The following ARHGAP22 variants were observed in gnomAD, a reference collection of about 807,000 sequenced individuals.
The protein encoded by ARHGAP22 is Rho GTPase activating protein 22.
Under a neutral mutation model 59.1 loss-of-function variants are expected in ARHGAP22, and 48 were observed. That is an observed-to-expected ratio of 0.81 (90% CI 0.64 to 1.03). The LOEUF (loss-of-function observed/expected upper bound fraction) is 1.03. Among genes scored for constraint, ARHGAP22 ranks in the 50% least tolerant of loss-of-function variants. The pLI, the probability that ARHGAP22 is intolerant of heterozygous loss-of-function variation, is 0.00. For missense variants in ARHGAP22, 1,015 were observed against 958.7 expected, an observed-to-expected ratio of 1.06 and a Z score of -0.78; for synonymous variants, 445 against 416.4, an observed-to-expected ratio of 1.07 and a Z score of -0.84.
At chr10:48,458,880 C>A (rs2046844420) in intron 5 of ARHGAP22, among the ~76,000 whole-genome samples, 1 of 152,152 alleles carries the variant, frequency 6.6e-6, no homozygotes, top group Non-Finnish European at 1.5e-5. Context: ...TGACACCCTC[C>A]CCTGGCTGCA....
At chr10:48,651,723 C>T (rs536694442) in intron 1 of ARHGAP22, among the ~76,000 whole-genome samples, 7 of 152,284 alleles carry the variant, frequency 4.6e-5, no homozygotes, top group African/African-American at 1.7e-4. Context: ...ACAATTATCT[C>T]CCAGGCACTT....
intron 3 of ARHGAP22, among the ~76,000 whole-genome samples, chr10:48,495,897 A>C (rs1202685079): frequency 6.6e-6 from 1 of 152,168 alleles, no homozygotes; most frequent in Non-Finnish European, 1.5e-5. Context: ...AAGCCTCCAG[A>C]AACAGCCAGC....
intron 3 of ARHGAP22, among the ~76,000 whole-genome samples, chr10:48,533,543 G>A (rs2055064686): frequency 6.6e-6 from 1 of 152,126 alleles, no homozygotes; most frequent in South Asian, 2.1e-4. Flanking sequence ...CTCAATAGAG[G>A]CCATTTCAAA....
At chr10:48,580,965 A>G (rs1289834100) in intron 2 of ARHGAP22, among the ~76,000 whole-genome samples, 1 of 151,554 alleles carries the variant, frequency 6.6e-6, no homozygotes, top group Non-Finnish European at 1.5e-5. Flanking sequence ...TCCCCATTGT[A>G]AACAAATGTG....
intron 5 of ARHGAP22, among the ~76,000 whole-genome samples, chr10:48,458,736 G>A (rs1265306018): frequency 1.3e-5 from 2 of 152,170 alleles, no homozygotes; most frequent in South Asian, 2.1e-4. Flanking sequence ...CAGAATGGAC[G>A]ACAAGCTCAC....
At chr10:48,496,474 G>A (rs1163353288) in intron 3 of ARHGAP22, among the ~76,000 whole-genome samples, 1 of 152,152 alleles carries the variant, frequency 6.6e-6, no homozygotes, top group African/African-American at 2.4e-5. Flanking sequence ...AGAAACTGAG[G>A]CTCAGAGAGA....
chr10:48,443,251 C>T (rs747326109), downstream of ARHGAP22, among the ~76,000 whole-genome samples: 7 of 152,098 alleles, frequency 4.6e-5, no homozygotes, highest in Non-Finnish European at 8.8e-5. Flanking sequence ...TTCTCTTTCC[C>T]CTTCCATTAT....
At chr10:48,597,825 A>C (rs1340415442) in intron 1 of ARHGAP22, among the ~76,000 whole-genome samples, 1 of 152,206 alleles carries the variant, frequency 6.6e-6, no homozygotes, top group Non-Finnish European at 1.5e-5. Flanking sequence ...CCTGCCTATG[A>C]GCCATTAGCT....
intron 1 of ARHGAP22, among the ~76,000 whole-genome samples, chr10:48,616,196 G>T (rs933861911): frequency 2.0e-5 from 3 of 152,050 alleles, no homozygotes; most frequent in African/African-American, 7.2e-5. Flanking sequence ...ACATTTTTTG[G>T]CAATAAAGTC....
chr10:48,584,603 C>T (rs2059312301), intron 1 of ARHGAP22, among the ~76,000 whole-genome samples: 1 of 152,202 alleles, frequency 6.6e-6, no homozygotes, highest in South Asian at 2.1e-4. Flanking sequence ...CTGTGGGGGG[C>T]AAGGAACAGA....
chr10:48,587,507 T>G (rs1470048947), intron 1 of ARHGAP22, among the ~76,000 whole-genome samples: 1 of 151,940 alleles, frequency 6.6e-6, no homozygotes, highest in Non-Finnish European at 1.5e-5. Context: ...GTGAGATTCC[T>G]ACCATGAGAC....
At chr10:48,591,126 A>G (rs1304761648) in intron 1 of ARHGAP22, among the ~76,000 whole-genome samples, 1 of 152,178 alleles carries the variant, frequency 6.6e-6, no homozygotes, top group Non-Finnish European at 1.5e-5. Flanking sequence ...GTAGCCCTTA[A>G]GTGCTTCAGC....
intron 5 of ARHGAP22, among the ~76,000 whole-genome samples, chr10:48,457,485 AC>A (rs1564685162): frequency 6.6e-6 from 1 of 151,592 alleles, no homozygotes; most frequent in South Asian, 2.1e-4. Flanking sequence ...GTGCCCCTCC[AC>A]CCCTAGGCCT....
chr10:48,555,479 G>C lies in ARHGAP22; in HGVS notation c.306C>G (p.Leu102=). 1 of 1,614,144 alleles carries C rather than the reference G, an allele frequency of 6.2e-7. No homozygotes were observed. The highest frequency in any genetic ancestry group is 8.5e-7 in the Non-Finnish European group (1 of 1,180,008). ...PPGPEDPGKH[L]FEISPGGAGE... ...CAGGCCTACCTGGGCTGATCTCAAA[G>C]AGGTGCTTCCCTGGGTCCTCGGGGC... The change falls in exon 3 of 10, where the codon CTC becomes CTG. Residue 102 remains leucine (L), a synonymous_variant. Transcript: ENST00000249601.
chr10:48,560,003 C>T (rs570176924), intron 2 of ARHGAP22, among the ~76,000 whole-genome samples: 1 of 152,236 alleles, frequency 6.6e-6, no homozygotes, highest in East Asian at 1.9e-4. Context: ...AGAATAATGG[C>T]TCCCCAAAAG....
At chr10:48,540,979 T>C (rs557582157) in intron 3 of ARHGAP22, among the ~76,000 whole-genome samples, 12 of 152,034 alleles carry the variant, frequency 7.9e-5, no homozygotes, top group African/African-American at 2.6e-4. Context: ...AAAGTGCTGC[T>C]TCTCCAATTT....
intron 1 of ARHGAP22, among the ~76,000 whole-genome samples, chr10:48,639,186 C>A (rs538060929): frequency 9.2e-5 from 14 of 152,280 alleles, no homozygotes; most frequent in African/African-American, 3.1e-4. Context: ...CGCATGCAGT[C>A]CAAAGTTGCT....
chr10:48,633,356 G>T (rs182690565), intron 1 of ARHGAP22, among the ~76,000 whole-genome samples: 11 of 152,318 alleles, frequency 7.2e-5, no homozygotes, highest in Non-Finnish European at 1.5e-4. Flanking sequence ...GGGTTCCTGT[G>T]TCCAGAGTCT....
At chr10:48,505,442 C>A (rs1306449464) in intron 3 of ARHGAP22, among the ~76,000 whole-genome samples, 1 of 152,218 alleles carries the variant, frequency 6.6e-6, no homozygotes, top group African/African-American at 2.4e-5. Context: ...CATGAGACCA[C>A]GTCCAGCAGC....
Sources: gnomAD v4.1 joint callset for allele counts (sites outside exome capture counted in the v4.1 genomes callset) on GRCh38, gnomAD v4.1.1 for gene constraint, MANE v1.5 for transcripts, NCBI Gene and HGNC (gene_info 2026-07-23, HGNC 2026-07-21) for gene names.